Variants in DOCK3 observed in about 807,000 individuals in gnomAD.
DOCK3 encodes dedicator of cytokinesis 3, also known as dedicator of cytokinesis protein 3.
DOCK3 carries 60 observed loss-of-function variants against 265.6 expected under a neutral mutation model. That is an observed-to-expected ratio of 0.23 (90% CI 0.18 to 0.28). DOCK3 has a LOEUF of 0.28. Ranked by LOEUF, DOCK3 falls within the 10% of genes least tolerant of loss-of-function variation. DOCK3 has a pLI of 1.00. For missense variants in DOCK3, 1,981 were observed against 2,594.3 expected, an observed-to-expected ratio of 0.76 and a Z score of 5.14; for synonymous variants, 881 against 938.0, an observed-to-expected ratio of 0.94 and a Z score of 1.11.
chr3:50,750,625 G>A (rs2108302664), intron 1 of DOCK3, among the ~76,000 whole-genome samples: 1 of 152,258 alleles, frequency 6.6e-6, no homozygotes, highest in East Asian at 1.9e-4. Context: ...ACCGCGCCTG[G>A]CCTACCTTTG....
At chr3:51,325,347 C>G (rs550584936) in intron 32 of DOCK3, among the ~76,000 whole-genome samples, 23 of 152,214 alleles carry the variant, frequency 1.5e-4, no homozygotes, top group African/African-American at 5.5e-4. Context: ...AAATGCAAAT[C>G]AAAACCGCGA....
At chr3:50,741,275 T>A (rs572934402) in intron 1 of DOCK3, among the ~76,000 whole-genome samples, 1 of 26,164 alleles carries the variant, frequency 3.8e-5, no homozygotes, top group South Asian at 1.5e-3. Context: ...TGTTTTTTTA[T>A]TTTATTTTAT....
chr3:51,246,903 G>T (rs574874680), intron 22 of DOCK3, 96 bp downstream of exon 22: 17 of 1,181,888 alleles, frequency 1.4e-5, no homozygotes, highest in Non-Finnish European at 2.1e-5. Context: ...TGTAGACATC[G>T]CAGTACCTGG....
intron 2 of DOCK3, among the ~76,000 whole-genome samples, chr3:50,825,452 G>A (rs2106995837): frequency 6.6e-6 from 1 of 152,300 alleles, no homozygotes; most frequent in East Asian, 1.9e-4. Flanking sequence ...ATATTTTTAA[G>A]TGGTTCTCCT....
At chr3:51,169,691 G>A (rs774243463) in intron 12 of DOCK3, among the ~76,000 whole-genome samples, 9 of 151,026 alleles carry the variant, frequency 6.0e-5, no homozygotes, top group African/African-American at 1.7e-4. Flanking sequence ...CTTATGATAC[G>A]AGTTTACCTA....
chr3:51,053,017 A>T (rs1210592192), intron 5 of DOCK3, among the ~76,000 whole-genome samples: 1 of 142,098 alleles, frequency 7.0e-6, no homozygotes, highest in Admixed American at 7.3e-5. Flanking sequence ...GTTGGGGTGG[A>T]GGATGGAGGA....
chr3:50,854,592 G>GTTTTTTTTTTTTT (rs71084118), intron 3 of DOCK3, among the ~76,000 whole-genome samples: 1,129 of 47,198 alleles, frequency 0.024, 399 homozygotes, highest in Middle Eastern at 0.031. Context: ...CATCACACCA[G>GTTTTTTTTTTTTT]TTTTTTTTTT....
At position 51,237,598 on chromosome 3, in the gene DOCK3, C is replaced by G. The variant is rs762865529; in HGVS notation, c.2102+8C>G. The G allele has an allele frequency of 6.2e-7, 1 of 1,609,120 alleles. No homozygotes were observed. The highest frequency in any genetic ancestry group is 8.5e-7 in the Non-Finnish European group (1 of 1,176,730). On this transcript the variant is annotated splice_region_variant and intron_variant, in intron 21 of 52. Transcript: ENST00000266037. ...TGGAGCTCTGGCATACAAGTAAGTT[C>G]CATTTGGTATCATCATTAGGACTCG...
intron 14 of DOCK3, 53 bp downstream of exon 14, chr3:51,214,300 G>A (rs2089665246): frequency 7.5e-6 from 12 of 1,602,610 alleles, no homozygotes; most frequent in Non-Finnish European, 8.5e-6. Flanking sequence ...ATGGAATCTG[G>A]TGCTCCCCTC....
intron 14 of DOCK3, among the ~76,000 whole-genome samples, chr3:51,219,817 G>T (rs1195761449): frequency 6.6e-6 from 1 of 152,158 alleles, no homozygotes; most frequent in East Asian, 1.9e-4. Flanking sequence ...TGTCAAATGA[G>T]GCTATGGCAG....
intron 14 of DOCK3, among the ~76,000 whole-genome samples, chr3:51,215,461 T>G (rs535462841): frequency 6.6e-6 from 1 of 152,298 alleles, no homozygotes; most frequent in African/African-American, 2.4e-5. Flanking sequence ...TGCTAAAAGC[T>G]TATTTGCTTT....
intron 1 of DOCK3, among the ~76,000 whole-genome samples, chr3:50,691,436 A>G (rs2035235907): frequency 6.6e-6 from 1 of 152,152 alleles, no homozygotes; most frequent in South Asian, 2.1e-4. Flanking sequence ...GTGTATGGGT[A>G]TACCACATTT....
chr3:50,792,833 T>C (rs1050588187), intron 2 of DOCK3, among the ~76,000 whole-genome samples: 2 of 152,246 alleles, frequency 1.3e-5, no homozygotes, highest in East Asian at 3.8e-4. Flanking sequence ...GGTTTGCGAA[T>C]ATTTCATTGA....
rs146920011 is a variant in DOCK3 at position 50,823,604 on chromosome 3, C to A, written c.122-18071C>A. Among the ~76,000 whole-genome samples, 498 of 152,358 alleles carry A rather than the reference C, an allele frequency of 3.3e-3. 5 individuals are homozygous for A. The highest frequency in any genetic ancestry group is 0.012 in the African/African-American group (481 of 41,584). ...CACGGCAACCATCCTATTTCTCAAT[C>A]TTTTCCCACCTTTCCCCCCTTGCTA... On this transcript the variant is annotated intron_variant, in intron 2 of 52. Transcript: ENST00000266037.
intron 27 of DOCK3, among the ~76,000 whole-genome samples, chr3:51,282,988 C>A (rs972926642): frequency 6.6e-6 from 1 of 152,202 alleles, no homozygotes; most frequent in Non-Finnish European, 1.5e-5. Context: ...AATTATATAA[C>A]ATGATCAAGT....
intron 2 of DOCK3, among the ~76,000 whole-genome samples, chr3:50,817,809 C>T (rs2044179292): frequency 6.6e-6 from 1 of 151,942 alleles, no homozygotes; most frequent in Non-Finnish European, 1.5e-5. Context: ...TAAATGGCTG[C>T]TGAGCCTTAG....
At chr3:51,329,966 G>A (rs143918893) in intron 32 of DOCK3, among the ~76,000 whole-genome samples, 172 bp from the exon 33 acceptor site, 10 of 152,224 alleles carry the variant, frequency 6.6e-5, no homozygotes, top group African/African-American at 2.4e-4. Context: ...GATTTGGGGA[G>A]CAGAATGGTT....
At chr3:51,043,049 A>G (rs767159746) in intron 5 of DOCK3, among the ~76,000 whole-genome samples, 1 of 152,224 alleles carries the variant, frequency 6.6e-6, no homozygotes, top group Non-Finnish European at 1.5e-5. Context: ...ATGCTAGTCC[A>G]TTAAACTACC....
At chr3:51,069,096 A>T (rs1040104575) in intron 6 of DOCK3, among the ~76,000 whole-genome samples, 1 of 152,190 alleles carries the variant, frequency 6.6e-6, no homozygotes, top group Non-Finnish European at 1.5e-5. Context: ...ATGTGACTTA[A>T]ACTTATTGGC....
Sources: allele counts gnomAD v4.1 joint callset (sites outside exome capture counted in the v4.1 genomes callset), GRCh38; gene constraint gnomAD v4.1.1; transcripts MANE v1.5; gene names NCBI Gene and HGNC (gene_info 2026-07-23, HGNC 2026-07-21).